ST6GALNAC3: variants seen among roughly 807,000 people sequenced by gnomAD.
ST6GALNAC3 encodes the protein ST6 N-acetylgalactosaminide alpha-2,6-sialyltransferase 3.
A neutral mutation model predicts 32.7 loss-of-function variants in ST6GALNAC3; 25 were observed. The ratio of observed to expected loss-of-function variants is 0.76; its 90% CI spans 0.56 to 1.07. The LOEUF (loss-of-function observed/expected upper bound fraction) is 1.07, where lower values mean the gene tolerates loss of function less well. Ranked by LOEUF, ST6GALNAC3 falls within the 50% of genes least tolerant of loss-of-function variation. The pLI is 0.00. For synonymous variants in ST6GALNAC3, 129 were observed against 133.1 expected (o/e 0.97, Z 0.21); for missense variants, 355 against 382.4 (o/e 0.93, Z 0.60).
At chr1:76,476,978 G>C (rs756414350) in intron 3 of ST6GALNAC3, among the ~76,000 whole-genome samples, 5 of 152,082 alleles carry the variant, frequency 3.3e-5, no homozygotes, top group Non-Finnish European at 7.4e-5. Context: ...GGACCCAGGA[G>C]TGAAATATCT....
At chr1:76,459,191 A>G (rs1166982683) in intron 3 of ST6GALNAC3, among the ~76,000 whole-genome samples, 1 of 152,190 alleles carries the variant, frequency 6.6e-6, no homozygotes, top group Non-Finnish European at 1.5e-5. Context: ...TTGTTTCTAA[A>G]CTTTGATTCA....
intron 3 of ST6GALNAC3, among the ~76,000 whole-genome samples, chr1:76,561,892 G>A (rs1160100621): frequency 6.6e-6 from 1 of 152,158 alleles, no homozygotes; most frequent in African/African-American, 2.4e-5. Flanking sequence ...AAAAATGTAT[G>A]AGGTCCATAC....
chr1:76,501,155 C>T (rs1489185590), intron 3 of ST6GALNAC3, among the ~76,000 whole-genome samples: 1 of 152,136 alleles, frequency 6.6e-6, no homozygotes, highest in Non-Finnish European at 1.5e-5. Context: ...TCCCCTCTCC[C>T]TCCCCCTACA....
chr1:76,544,043 C>A (rs186954635), intron 3 of ST6GALNAC3, among the ~76,000 whole-genome samples: 2 of 150,140 alleles, frequency 1.3e-5, no homozygotes, highest in Non-Finnish European at 3.0e-5. Flanking sequence ...ATCATATAGT[C>A]TAGTGGGGGA....
At chr1:76,114,951 G>A (rs147910194) in intron 1 of ST6GALNAC3, among the ~76,000 whole-genome samples, 7 of 151,700 alleles carry the variant, frequency 4.6e-5, no homozygotes, top group African/African-American at 1.7e-4. Context: ...GAAAAAAAAG[G>A]TAGGTTTCTG....
intron 1 of ST6GALNAC3, among the ~76,000 whole-genome samples, chr1:76,207,829 A>C (rs542224773): frequency 2.0e-5 from 3 of 152,354 alleles, no homozygotes; most frequent in East Asian, 3.9e-4. Flanking sequence ...TCTTCTCTTC[A>C]GTATTGATTC....
intron 3 of ST6GALNAC3, among the ~76,000 whole-genome samples, chr1:76,534,410 T>A (rs150998251): frequency 6.6e-6 from 1 of 152,142 alleles, no homozygotes; most frequent in Admixed American, 6.6e-5. Flanking sequence ...CACCTTTAAC[T>A]CTTCGCTGTC....
At chr1:76,101,807 A>G (rs1647236531) in intron 1 of ST6GALNAC3, among the ~76,000 whole-genome samples, 1 of 152,088 alleles carries the variant, frequency 6.6e-6, no homozygotes, top group South Asian at 2.1e-4. Flanking sequence ...TCTTTTCATT[A>G]TTGATTTTTG....
rs1026298823 is a variant in ST6GALNAC3 at position 76,080,463 on chromosome 1, G to A, written c.18+5579G>A. Among the ~76,000 whole-genome samples, 3 of 151,930 alleles carry A rather than the reference G, an allele frequency of 2.0e-5. No homozygotes were observed. In the South Asian group the frequency reaches 6.2e-4, roughly 32 times the overall value. On this transcript the variant is annotated intron_variant, in intron 1 of 4. Transcript: ENST00000328299. ...TTTCTTAGTATGTTTCTTGTAGGTA[G>A]GTCTGTTACCATTCCTCATATAAAA...
intron 3 of ST6GALNAC3, among the ~76,000 whole-genome samples, chr1:76,572,214 A>G (rs772918232): frequency 3.3e-5 from 5 of 151,862 alleles, no homozygotes; most frequent in Non-Finnish European, 5.9e-5. Flanking sequence ...TGCCTATCCT[A>G]GTAATATCAC....
At chr1:76,306,742 C>A (rs1275834103) in intron 1 of ST6GALNAC3, among the ~76,000 whole-genome samples, 14 of 150,886 alleles carry the variant, frequency 9.3e-5, no homozygotes, top group Non-Finnish European at 2.1e-4. Flanking sequence ...ATGACTGTAT[C>A]AGATGACATG....
At chr1:76,626,743 A>G (rs548217711) in intron 3 of ST6GALNAC3, among the ~76,000 whole-genome samples, 10 of 151,918 alleles carry the variant, frequency 6.6e-5, no homozygotes, top group South Asian at 4.1e-4. Context: ...TTTATAATAT[A>G]GCTACCTCCA....
In ST6GALNAC3 at chr1:76,153,919, G is replaced by A. The variant is rs147124281; in HGVS notation, c.18+79035G>A. The stretch of plus-strand genomic sequence containing the variant: ...AGCAATGGGCAACTTTCTCCATTTT[G>A]GTGTCTTATCTAAGACCTTGCCCAC... On this transcript the variant is annotated intron_variant, in intron 1 of 4. Transcript: ENST00000328299. Among the ~76,000 whole-genome samples, 415 of 152,116 alleles carry A rather than the reference G, an allele frequency of 2.7e-3. 3 individuals are homozygous for A. The highest frequency in any genetic ancestry group is 7.0e-3 in the African/African-American group (291 of 41,488).
chr1:76,298,972 C>T (rs1660571751), intron 1 of ST6GALNAC3, among the ~76,000 whole-genome samples: 2 of 151,998 alleles, frequency 1.3e-5, no homozygotes, highest in African/African-American at 4.8e-5. Flanking sequence ...GTGAACTGCT[C>T]ACCTATTTTA....
intron 1 of ST6GALNAC3, among the ~76,000 whole-genome samples, chr1:76,108,076 CTG>C (rs1647661980): frequency 6.6e-6 from 1 of 152,196 alleles, no homozygotes; most frequent in African/African-American, 2.4e-5. Flanking sequence ...GGAGGCAGGA[CTG>C]TGACACGGTC....
chr1:76,165,103 T>C (rs980337879), intron 1 of ST6GALNAC3, among the ~76,000 whole-genome samples: 2 of 152,140 alleles, frequency 1.3e-5, no homozygotes, highest in Non-Finnish European at 2.9e-5. Context: ...TTGTACAGAT[T>C]GTTTTGTTGA....
At chr1:76,219,031 A>G (rs530927238) in intron 1 of ST6GALNAC3, among the ~76,000 whole-genome samples, 2 of 152,330 alleles carry the variant, frequency 1.3e-5, no homozygotes, top group East Asian at 1.9e-4. Context: ...TTTAAGTAAT[A>G]TGTTGCCCAA....
At chr1:76,411,320 G>T (rs1405104467) in intron 2 of ST6GALNAC3, among the ~76,000 whole-genome samples, 1 of 152,024 alleles carries the variant, frequency 6.6e-6, no homozygotes, top group Non-Finnish European at 1.5e-5. Context: ...GGGAGAAAGG[G>T]ACTTAGACTA....
chr1:76,241,675 G>A (rs1023878406), intron 1 of ST6GALNAC3, among the ~76,000 whole-genome samples: 7 of 152,122 alleles, frequency 4.6e-5, no homozygotes, highest in African/African-American at 1.4e-4. Context: ...CTCTGTAAGT[G>A]TAAAATACAA....
Sources: gnomAD v4.1 joint callset for allele counts (sites outside exome capture counted in the v4.1 genomes callset) on GRCh38, gnomAD v4.1.1 for gene constraint, MANE v1.5 for transcripts, NCBI Gene and HGNC (gene_info 2026-07-23, HGNC 2026-07-21) for gene names.